The following NRN1L variants were observed in gnomAD, a reference collection of about 807,000 sequenced individuals.
NRN1L encodes the protein neuritin 1 like.
Under a neutral mutation model 8.8 loss-of-function variants are expected in NRN1L, and 12 were observed. The ratio of observed to expected loss-of-function variants is 1.36; its 90% CI spans 0.87 to 2.20. The LOEUF is 2.20. Among genes scored for constraint, NRN1L ranks in the 30% most tolerant of loss-of-function variants. The probability of loss-of-function intolerance (pLI) is 0.00; values close to 1 mark genes in which losing one functional copy is unlikely to be tolerated. For missense variants in NRN1L, 266 were observed against 232.4 expected (o/e 1.14, Z -0.94); for synonymous variants, 114 against 99.2 (o/e 1.15, Z -0.88).
chr16:67,888,409 C>T (rs1262399783), downstream of NRN1L, among the ~76,000 whole-genome samples: 3 of 152,096 alleles, frequency 2.0e-5, no homozygotes, highest in Non-Finnish European at 4.4e-5. Flanking sequence ...TCTGGCTGGC[C>T]GTCAGGGAGA....
At chr16:67,888,167 AG>A (rs2058102114), downstream of NRN1L, among the ~76,000 whole-genome samples, 1 of 152,180 alleles carries the variant, frequency 6.6e-6, no homozygotes, top group Non-Finnish European at 1.5e-5. Flanking sequence ...CTGGATATAA[AG>A]GGTGCACTTG....
At chr16:67,887,052 G>A (rs1003218996), downstream of NRN1L, among the ~76,000 whole-genome samples, 3 of 152,206 alleles carry the variant, frequency 2.0e-5, no homozygotes, top group Non-Finnish European at 4.4e-5. Flanking sequence ...GGAAGCCGTG[G>A]AACAAGAGCA....
At position 67,885,717 on chromosome 16, in the gene NRN1L, T is replaced by A; in HGVS notation, c.80-5T>A. ...TTCCCCACCCCACCCCCGCCCCACT[T>A]CTAGTCCTTTTACCTCCCCTGGCAG... On this transcript the variant is annotated splice_polypyrimidine_tract_variant and splice_region_variant and intron_variant, in intron 1 of 2. Transcript: ENST00000339176. The A allele has an allele frequency of 4.1e-6, 3 of 732,566 alleles. No individual in the cohort carries two copies. The highest frequency in any genetic ancestry group is 6.7e-6 in the Non-Finnish European group (3 of 447,160). The allele number at this position is 732,566 out of a possible 1,614,324, so 45.4% of individuals were successfully genotyped here. A position where few individuals can be genotyped will look rare whatever the true frequency, so the allele number is the denominator to read the frequency against.
chr16:67,886,850 G>C (rs2058098284), downstream of NRN1L, among the ~76,000 whole-genome samples: 1 of 152,132 alleles, frequency 6.6e-6, no homozygotes, highest in African/African-American at 2.4e-5. Flanking sequence ...CTGGTTTTCT[G>C]GTCTATCTGA....
At chr16:67,888,544 G>C (rs925630247), downstream of NRN1L, 1 of 152,246 alleles carries the variant, frequency 6.6e-6, no homozygotes, top group Admixed American at 6.5e-5. Context: ...AGGGGCTTAA[G>C]GGCTTTGTGT....
chr16:67,884,963 G>T lies in NRN1L; in HGVS notation c.60G>T (p.Pro20=). The stretch of plus-strand genomic sequence containing the variant: ...GGCAACCACCCCATGCCCTGAGGCC[G>T]TTGCTGTTGCTGCCCCTCGGTGAGT... ...CCRQPPHALR[P]LLLLPLVLLP... The change falls in exon 1 of 3, where the codon CCG becomes CCT. Residue 20 remains proline (P), a synonymous_variant. Coordinates refer to ENST00000339176, the MANE Select transcript of NRN1L (RefSeq NM_198443.2). This position sits in a 1 kb window ranked among gnomAD's most constrained non-coding sequence, Gnocchi z 4.1. 1 of 1,608,176 alleles carries T rather than the reference G, an allele frequency of 6.2e-7. No homozygotes were observed.
rs73593844 is a variant in NRN1L at position 67,886,027 on chromosome 16, A to C, written c.266A>C (p.Glu89Ala). The change falls in exon 3 of 3, where the codon GAG (glutamate) becomes GCG (alanine). Residue 89 changes from glutamate (E) to alanine (A), a missense_variant. Transcript: ENST00000339176. ...TCTCAGGTCCTGTCAGGCTGTCCGG[A>C]GGAGGCAGCTGCAGTGTGGGAATCA... ...CASQVLSGCPEEAAAVWESLQ... is the reference protein window; with the variant it reads ...CASQVLSGCPAEAAAVWESLQ... 19,647 of 1,614,026 alleles carry C rather than the reference A, an allele frequency of 0.012. 1,366 individuals are homozygous for C. The African/African-American group carries it at 0.18, about 15-fold the overall frequency.
In NRN1L at chr16:67,886,008, G is replaced by C; in HGVS notation, c.247G>C (p.Val83Leu). ...TGACTTCCATGCCTGTGCCTCTCAG[G>C]TCCTGTCAGGCTGTCCGGAGGAGGC... ...WNDFHACASQVLSGCPEEAAA... is the reference protein window; with the variant it reads ...WNDFHACASQLLSGCPEEAAA... Residue 83 changes from valine to leucine, a missense_variant, in exon 3 of 3, where the codon GTC becomes CTC. Physicochemically the swap from Val to Leu is conservative, Grantham distance 32. Coordinates refer to ENST00000339176, the MANE Select transcript of NRN1L (RefSeq NM_198443.2). 6.2e-7 allele frequency: 1 copy of C among 1,614,156 alleles called. No homozygotes were observed. The highest frequency in any genetic ancestry group is 8.5e-7 in the Non-Finnish European group (1 of 1,180,032).
chr16:67,885,713 C>CCCAA lies in NRN1L; in HGVS notation c.80-9_80-8insCCAA. ...TTCCTTCCCCACCCCACCCCCGCCC[C>CCCAA]ACTTCTAGTCCTTTTACCTCCCCTG... is the stretch of plus-strand genomic sequence containing the variant. On this transcript the variant is annotated splice_polypyrimidine_tract_variant and intron_variant, in intron 1 of 2. Coordinates refer to ENST00000339176, the MANE Select transcript of NRN1L (RefSeq NM_198443.2). 4.6e-6 allele frequency: 7 copies of CCCAA among 1,509,724 alleles called. No individual in the cohort carries two copies. The highest frequency in any genetic ancestry group is 6.3e-6 in the Non-Finnish European group (7 of 1,104,108). 93.5% of individuals were successfully genotyped at this position (1,509,724 alleles called of 1,614,324 possible).
intron 2 of NRN1L, 23 bp from the exon 3 acceptor site, chr16:67,885,951 C>T (rs984636293): frequency 2.5e-6 from 4 of 1,612,044 alleles, no homozygotes; most frequent in South Asian, 1.1e-5. Context: ...CACCTAATCC[C>T]CCTAATCCCA....
In NRN1L at chr16:67,886,041, G is replaced by A; in HGVS notation, c.280G>A (p.Val94Met). ...LSGCPEEAAA[V>M]WESLQQEARQ... ...AGGCTGTCCGGAGGAGGCAGCTGCAGTGTGGGAATCACTACAGCAAGAAGC... is the reference window on the plus strand; with the variant it reads ...AGGCTGTCCGGAGGAGGCAGCTGCAATGTGGGAATCACTACAGCAAGAAGC... The change falls in exon 3 of 3, where the codon GTG becomes ATG. Residue 94 changes from valine to methionine, a missense_variant. Transcript: ENST00000339176. 6.2e-7 allele frequency: 1 copy of A among 1,614,114 alleles called. No homozygotes were observed. Among genetic ancestry groups the A allele is most frequent in the Non-Finnish European group, 8.5e-7 (1 of 1,179,998 alleles).
chr16:67,884,931 T>A lies in NRN1L; in HGVS notation c.28T>A (p.Cys10Ser), dbSNP rs1372657653. The change falls in exon 1 of 3, where the codon TGC (cysteine) becomes AGC (serine). Residue 10 changes from cysteine (C) to serine (S), a missense_variant. Coordinates refer to ENST00000339176, the MANE Select transcript of NRN1L (RefSeq NM_198443.2). The surrounding 1 kb of genome is among the most constrained non-coding windows in gnomAD (Gnocchi z 4.1). ...GATGCGCTGCTGCCGCCGCCGCTGC[T>A]GCTGCCGGCAACCACCCCATGCCCT... MMRCCRRRC[C>S]CRQPPHALRP... The A allele has an allele frequency of 2.5e-6, 4 of 1,607,120 alleles. No homozygotes were observed. The highest frequency in any genetic ancestry group is 3.4e-6 in the Non-Finnish European group (4 of 1,179,674).
downstream of NRN1L, chr16:67,886,503 A>T (rs2058097194): frequency 2.0e-6 from 1 of 507,500 alleles, no homozygotes; most frequent in Non-Finnish European, 3.5e-6. Context: ...TCCTCCTTAC[A>T]AACACTCATT....
downstream of NRN1L, among the ~76,000 whole-genome samples, chr16:67,887,236 C>T (rs2058099314): frequency 6.6e-6 from 1 of 152,112 alleles, no homozygotes; most frequent in Admixed American, 6.5e-5. Context: ...TTTACAGAGG[C>T]ACTGCCATAG....
At chr16:67,886,620 G>T (rs901244931), downstream of NRN1L, among the ~76,000 whole-genome samples, 1 of 152,170 alleles carries the variant, frequency 6.6e-6, no homozygotes, top group Non-Finnish European at 1.5e-5. Flanking sequence ...CTTCCTGTGC[G>T]GGTTGAGATC....
chr16:67,885,918 C>T, intron 2 of NRN1L, 56 bp from the exon 3 acceptor site: 3 of 1,587,274 alleles, frequency 1.9e-6, no homozygotes, highest in South Asian at 2.3e-5. Context: ...CCTTTTATTT[C>T]CCAAGCTAAA....
At chr16:67,885,127 A>G (rs2058089938) in intron 1 of NRN1L, 145 bp downstream of exon 1, 1 of 662,306 alleles carries the variant, frequency 1.5e-6, no homozygotes, top group Admixed American at 2.6e-5. Context: ...ACTTCAGGAC[A>G]GAAAGTGAGA....
rs777634000 is a variant in NRN1L at position 67,886,100 on chromosome 16, T to A, written c.339T>A (p.Thr113=). 2 of 1,613,320 alleles carry A rather than the reference T, an allele frequency of 1.2e-6. No individual in the cohort carries two copies. Among genetic ancestry groups the A allele is most frequent in the Admixed American group, 1.7e-5 (1 of 59,900 alleles). The change falls in exon 3 of 3, where the codon ACT becomes ACA. Residue 113 remains threonine (T), a synonymous_variant. Coordinates refer to ENST00000339176, the MANE Select transcript of NRN1L (RefSeq NM_198443.2). ...CCCCCCGTCCGAATAACTTGCACAC[T>A]CTGTGCGGTGCCCCGGTGCATGTTC... ...RQAPRPNNLH[T]LCGAPVHVRE...
Position 67,886,157 on chromosome 16 carries a change from G to T in NRN1L, c.396G>T (p.Gln132His). The part of the protein sequence containing the change: ...RERGTGSETN[Q>H]ETLRATAPAL... ...GCGGCACAGGCTCCGAAACCAACCA[G>T]GAGACGCTGCGGGCTACAGCGCCTG... Residue 132 changes from glutamine (Q) to histidine (H), a missense_variant, in exon 3 of 3, where the codon CAG (glutamine) becomes CAT (histidine). Gln to His is a conservative substitution (Grantham distance 24). Coordinates refer to ENST00000339176, the MANE Select transcript of NRN1L (RefSeq NM_198443.2). The T allele has an allele frequency of 6.2e-7, 1 of 1,609,636 alleles. No individual in the cohort carries two copies.
Sources: allele counts gnomAD v4.1 joint callset (sites outside exome capture counted in the v4.1 genomes callset), GRCh38; gene constraint gnomAD v4.1.1; non-coding constraint Gnocchi (gnomAD v3.1); transcripts MANE v1.5; gene names NCBI Gene and HGNC (gene_info 2026-07-23, HGNC 2026-07-21).